The following LRRC57 variants were observed in gnomAD, a reference collection of about 807,000 sequenced individuals.
LRRC57 encodes leucine-rich repeat-containing protein 57.
In LRRC57, 14 loss-of-function variants were observed where a neutral mutation model predicts 23.1. The ratio of observed to expected loss-of-function variants is 0.61; its 90% CI spans 0.40 to 0.95. LRRC57 has a LOEUF of 0.95. Ranked by LOEUF, LRRC57 falls within the 40% of genes least tolerant of loss-of-function variation. The pLI is 0.00. For synonymous variants in LRRC57, 106 were observed against 115.2 expected (o/e 0.92, Z 0.51); for missense variants, 236 against 284.4 (o/e 0.83, Z 1.22).
chr15:42,528,354 G>A, the LRRC57 span: 1 of 1,614,096 alleles, frequency 6.2e-7, no homozygotes, highest in East Asian at 2.2e-5. Context: ...AAACAGCCAG[G>A]CCCGGTGACA....
intron 3 of LRRC57, chr15:42,547,776 C>T: frequency 1.8e-6 from 1 of 540,864 alleles, no homozygotes; most frequent in Non-Finnish European, 3.2e-6. Flanking sequence ...AGGCACAATC[C>T]GACAGCAATT....
the LRRC57 span, chr15:42,531,603 G>C: frequency 3.0e-6 from 2 of 657,664 alleles, no homozygotes; most frequent in South Asian, 4.6e-5. Context: ...TGGAAGAAGG[G>C]CCAGAGCAGT....
At position 42,540,712 on chromosome 15, in the gene LRRC57, T is replaced by A. The variant is rs1242202488; in HGVS notation, c.*3371A>T. On this transcript the variant is annotated 3_prime_UTR_variant, in exon 6 of 6. Transcript: ENST00000397130. ...GATTAAACTCCAATTAATAATTAAA[T>A]GGGAACATTTAAATTGTTAAATGTA... 6.6e-6 allele frequency: 1 copy of A among 152,162 alleles called. No homozygotes were observed. The highest frequency in any genetic ancestry group is 1.9e-4 in the East Asian group (1 of 5,200). The allele number at this position is 152,162 out of a possible 1,614,324, so 9.4% of individuals were successfully genotyped here.
downstream of LRRC57, among the ~76,000 whole-genome samples, chr15:42,535,294 C>T (rs902583001): frequency 2.1e-4 from 32 of 152,238 alleles, no homozygotes; most frequent in African/African-American, 7.7e-4. Flanking sequence ...TTTTCTTCTG[C>T]AGCTTCCTCA....
In LRRC57 at chr15:42,540,554, C is replaced by G. The variant is rs1283104879; in HGVS notation, c.*3529G>C. ...GAGGGACAAGCTGTATAAAGGAGGT[C>G]AGAAAAGACTGCACTGTGGGTTTAG... On this transcript the variant is annotated 3_prime_UTR_variant, in exon 6 of 6. Transcript: ENST00000397130. 6.6e-6 allele frequency: 1 copy of G among 151,968 alleles called. No individual in the cohort carries two copies. The highest frequency in any genetic ancestry group is 1.5e-5 in the Non-Finnish European group (1 of 68,016). 9.4% of individuals were successfully genotyped at this position (151,968 alleles called of 1,614,324 possible).
intron 1 of LRRC57, 27 bp downstream of exon 1, chr15:42,548,666 C>CGTA: frequency 1.6e-6 from 1 of 623,692 alleles, no homozygotes; most frequent in Non-Finnish European, 2.8e-6. Flanking sequence ...TGGGAGCCTA[C>CGTA]GGAAGATCAG....
Position 42,541,410 on chromosome 15 carries a change from A to C in LRRC57, c.*2673T>G, listed in dbSNP as rs2057628646. 6.6e-6 allele frequency: 1 copy of C among 152,224 alleles called. No individual in the cohort carries two copies. Among genetic ancestry groups the C allele is most frequent in the Non-Finnish European group, 1.5e-5 (1 of 68,048 alleles). The allele number at this position is 152,224 out of a possible 1,614,324, so 9.4% of individuals were successfully genotyped here. A position where few individuals can be genotyped will look rare whatever the true frequency, so the allele number is the denominator to read the frequency against. On this transcript the variant is annotated 3_prime_UTR_variant, in exon 6 of 6. Transcript: ENST00000397130. ...TCCCAATTACTCAGGAGAATGAGGC[A>C]CAAGAATCAGTTGAACCTGGTAGGT...
At position 42,538,519 on chromosome 15, in the gene LRRC57, C is replaced by G. The variant is rs1008710191; in HGVS notation, c.*5564G>C. 2 of 152,142 alleles carry G rather than the reference C, an allele frequency of 1.3e-5. No homozygotes were observed. Among genetic ancestry groups the G allele is most frequent in the East Asian group, 3.9e-4 (2 of 5,190 alleles). 9.4% of individuals were successfully genotyped at this position (152,142 alleles called of 1,614,324 possible). A position where few individuals can be genotyped will look rare whatever the true frequency, so the allele number is the denominator to read the frequency against. On this transcript the variant is annotated 3_prime_UTR_variant, in exon 6 of 6. Coordinates refer to ENST00000397130, the MANE Select transcript of LRRC57 (RefSeq NM_153260.3). ...GGGATCCTCCAGCCTCAGGCCTCCT[C>G]AATAGCTGGGACTATAGATGCCTGC...
Position 42,538,044 on chromosome 15 carries a change from T to A in LRRC57, c.*6039A>T, listed in dbSNP as rs544323742. The A allele has an allele frequency of 2.2e-4, 34 of 152,270 alleles. No homozygotes were observed. The highest frequency in any genetic ancestry group is 7.7e-4 in the African/African-American group (32 of 41,552). The allele number at this position is 152,270 out of a possible 1,614,324, so 9.4% of individuals were successfully genotyped here. ...GTAAGTTTCAAAATGGCTAGAAGAT[T>A]TGAAATGTTCCCAACACAAACAAAT... On this transcript the variant is annotated 3_prime_UTR_variant, in exon 6 of 6. Coordinates refer to ENST00000397130, the MANE Select transcript of LRRC57 (RefSeq NM_153260.3).
At chr15:42,534,297 A>AT (rs1261979987), downstream of LRRC57, among the ~76,000 whole-genome samples, 2 of 151,742 alleles carry the variant, frequency 1.3e-5, no homozygotes, top group African/African-American at 2.4e-5. Context: ...TGCCCAGCTA[A>AT]TTTTTTTATC....
chr15:42,544,232 T>C (rs2057645346), intron 5 of LRRC57, 108 bp from the exon 6 acceptor site: 1 of 848,764 alleles, frequency 1.2e-6, no homozygotes. Context: ...GGTTTTTCAT[T>C]TCCTACAAAA....
chr15:42,534,545 C>T (rs958343692), downstream of LRRC57, among the ~76,000 whole-genome samples: 4 of 152,134 alleles, frequency 2.6e-5, no homozygotes, highest in South Asian at 2.1e-4. Flanking sequence ...ATGTCCTTAA[C>T]GGTATCCTTT....
chr15:42,530,189 A>G, the LRRC57 span, among the ~76,000 whole-genome samples: 1 of 152,164 alleles, frequency 6.6e-6, no homozygotes. Context: ...TGGTGGTACA[A>G]TCACAGCTCA....
At chr15:42,547,933 G>A (rs555581690) in intron 3 of LRRC57, 173 bp downstream of exon 3, 3 of 637,980 alleles carry the variant, frequency 4.7e-6, no homozygotes, top group African/African-American at 1.8e-5. Context: ...TCATTATAAG[G>A]CTTATTTTAG....
chr15:42,529,733 A>G, the LRRC57 span: 9 of 1,614,170 alleles, frequency 5.6e-6, no homozygotes, highest in Middle Eastern at 1.6e-4. Flanking sequence ...AGTGGGCAGT[A>G]TCCTGGGAAA....
chr15:42,547,604 A>G, intron 3 of LRRC57, 75 bp from the exon 4 acceptor site: 1 of 1,348,716 alleles, frequency 7.4e-7, no homozygotes, highest in African/African-American at 1.5e-5. Context: ...TATAAAGACT[A>G]TATGGCAGCC....
chr15:42,531,395 ATCTT>A, the LRRC57 span: 1 of 1,520,396 alleles, frequency 6.6e-7, no homozygotes, highest in Non-Finnish European at 8.8e-7. Flanking sequence ...TAAAGCTGAT[ATCTT>A]TCTTGTTTTT....
chr15:42,528,368 G>T, the LRRC57 span: 1 of 1,614,072 alleles, frequency 6.2e-7, no homozygotes, highest in Non-Finnish European at 8.5e-7. Flanking sequence ...GGTGACAAAT[G>T]GTCAGCTTCA....
At chr15:42,532,535 A>C in the LRRC57 span, 1 of 152,634 alleles carries the variant, frequency 6.6e-6, no homozygotes, top group Non-Finnish European at 1.5e-5. Flanking sequence ...TCATGGTTCC[A>C]TTACAGGCCT....
Sources: allele counts gnomAD v4.1 joint callset (sites outside exome capture counted in the v4.1 genomes callset), GRCh38; gene constraint gnomAD v4.1.1; transcripts MANE v1.5; gene names NCBI Gene and HGNC (gene_info 2026-07-23, HGNC 2026-07-21).